The following GPAT4 variants were observed in gnomAD, a reference collection of about 807,000 sequenced individuals.
GPAT4 encodes the protein 1-AGP acyltransferase 6.
A neutral mutation model predicts 58.0 loss-of-function variants in GPAT4; 17 were observed. The ratio of observed to expected loss-of-function variants is 0.29; its 90% CI spans 0.20 to 0.44. GPAT4 has a LOEUF of 0.44. Among genes scored for constraint, GPAT4 ranks in the 20% least tolerant of loss-of-function variants. The pLI is 1.00. For missense variants in GPAT4, 377 were observed against 574.5 expected, an observed-to-expected ratio of 0.66 and a Z score of 3.51; for synonymous variants, 204 against 210.1, an observed-to-expected ratio of 0.97 and a Z score of 0.25.
At chr8:41,600,758 C>T (rs952180304) in intron 2 of GPAT4, among the ~76,000 whole-genome samples, 13 of 152,198 alleles carry the variant, frequency 8.5e-5, no homozygotes, top group Non-Finnish European at 1.8e-4. Context: ...ATTCACTCCC[C>T]ATTCCTCCCT....
intron 1 of GPAT4, among the ~76,000 whole-genome samples, chr8:41,588,192 G>A (rs1252971875): frequency 1.3e-5 from 2 of 152,098 alleles, no homozygotes; most frequent in Non-Finnish European, 2.9e-5. Context: ...CATTGTGCTT[G>A]GTGTGCTCTA....
At chr8:41,618,433 C>CT (rs1803655510) in intron 10 of GPAT4, 1 of 542,764 alleles carries the variant, frequency 1.8e-6, no homozygotes, top group South Asian at 2.2e-5. Flanking sequence ...AAGACATTTG[C>CT]TTGAGGCAGG....
intron 10 of GPAT4, among the ~76,000 whole-genome samples, chr8:41,617,075 G>A (rs575340107): frequency 1.3e-5 from 2 of 152,218 alleles, no homozygotes; most frequent in South Asian, 2.1e-4. Flanking sequence ...AAAATACAAC[G>A]ACATGACCAG....
chr8:41,601,074 G>A (rs1803080112), intron 2 of GPAT4, among the ~76,000 whole-genome samples: 1 of 152,050 alleles, frequency 6.6e-6, no homozygotes, highest in South Asian at 2.1e-4. Context: ...TGCTGCTGTG[G>A]ACCTGCGTGT....
Position 41,615,057 on chromosome 8 carries a change from C to T in GPAT4, c.1053+9C>T. The T allele has an allele frequency of 6.2e-7, 1 of 1,605,586 alleles. No homozygotes were observed. Among genetic ancestry groups the T allele is most frequent in the African/African-American group, 1.3e-5 (1 of 74,814 alleles). On this transcript the variant is annotated intron_variant, in intron 10 of 12. Transcript: ENST00000396987. The stretch of plus-strand genomic sequence containing the variant: ...ACCCTGTTGCTATCAAGGTATAAGA[C>T]CTCCGATGGTACACACTGTCATTAC...
chr8:41,594,546 C>CTTTTT (rs35439986), intron 1 of GPAT4, among the ~76,000 whole-genome samples: 3 of 133,558 alleles, frequency 2.2e-5, no homozygotes, highest in Admixed American at 7.8e-5. Context: ...TTATTACAAA[C>CTTTTT]TTTTTTTTTT....
chr8:41,597,493 A>G (rs1440041475), intron 1 of GPAT4, among the ~76,000 whole-genome samples: 1 of 152,204 alleles, frequency 6.6e-6, no homozygotes, highest in Admixed American at 6.5e-5. Context: ...CTATGTGGAA[A>G]ATATGGCAAG....
chr8:41,595,221 C>A (rs1802897219), intron 1 of GPAT4, among the ~76,000 whole-genome samples: 1 of 145,160 alleles, frequency 6.9e-6, no homozygotes, highest in Middle Eastern at 3.5e-3. Context: ...GAAGGGAGTT[C>A]CTCCTAGGTC....
In GPAT4 at chr8:41,622,969, A is replaced by G. The variant is rs969665173; in HGVS notation, c.*1968A>G. 4.6e-5 allele frequency: 7 copies of G among 152,242 alleles called. No homozygotes were observed. Among genetic ancestry groups the G allele is most frequent in the African/African-American group, 1.7e-4 (7 of 41,460 alleles). 9.4% of individuals were successfully genotyped at this position (152,242 alleles called of 1,614,324 possible). On this transcript the variant is annotated 3_prime_UTR_variant, in exon 13 of 13. Transcript: ENST00000396987. ...TTAAAAGATCAGGTTCTCTTTTAAAAAGTTCATCTGAAACTTTATGGTTTG... is the reference window on the plus strand; with the variant it reads ...TTAAAAGATCAGGTTCTCTTTTAAAGAGTTCATCTGAAACTTTATGGTTTG...
intron 8 of GPAT4, among the ~76,000 whole-genome samples, chr8:41,613,507 C>T (rs1803504359): frequency 6.6e-6 from 1 of 152,024 alleles, no homozygotes; most frequent in Non-Finnish European, 1.5e-5. Context: ...TATTTGAAAC[C>T]TCAAAATGAA....
intron 8 of GPAT4, among the ~76,000 whole-genome samples, chr8:41,613,351 A>G (rs930810032): frequency 2.0e-5 from 3 of 152,172 alleles, no homozygotes; most frequent in African/African-American, 7.2e-5. Flanking sequence ...GCGCCATTGC[A>G]TTCCAGCCTG....
At chr8:41,580,769 G>C (rs1215092596) in intron 1 of GPAT4, among the ~76,000 whole-genome samples, 1 of 152,188 alleles carries the variant, frequency 6.6e-6, no homozygotes, top group Non-Finnish European at 1.5e-5. Flanking sequence ...AACAGCATTT[G>C]AGTGTCATGG....
intron 1 of GPAT4, among the ~76,000 whole-genome samples, chr8:41,592,778 G>A (rs956104816): frequency 1.3e-5 from 2 of 152,082 alleles, no homozygotes; most frequent in African/African-American, 4.8e-5. Context: ...ACTTCTTCTT[G>A]AACTAAGATA....
intron 1 of GPAT4, among the ~76,000 whole-genome samples, chr8:41,596,631 G>A (rs1425118831): frequency 2.6e-5 from 4 of 152,190 alleles, no homozygotes; most frequent in Admixed American, 6.5e-5. Context: ...ACCCAGGAGC[G>A]CTCTTTGGAT....
At chr8:41,595,829 T>C (rs1328191979) in intron 1 of GPAT4, among the ~76,000 whole-genome samples, 2 of 152,028 alleles carry the variant, frequency 1.3e-5, no homozygotes, top group African/African-American at 4.8e-5. Flanking sequence ...CCTCTTTTCC[T>C]CTCTGTCTCT....
chr8:41,586,452 A>C (rs141202605), intron 1 of GPAT4, among the ~76,000 whole-genome samples: 1 of 152,298 alleles, frequency 6.6e-6, no homozygotes, highest in Non-Finnish European at 1.5e-5. Flanking sequence ...TGCGAGGTAC[A>C]TGGTAACTTT....
intron 1 of GPAT4, among the ~76,000 whole-genome samples, chr8:41,591,608 G>A (rs756524165): frequency 1.3e-5 from 2 of 152,218 alleles, no homozygotes; most frequent in African/African-American, 4.8e-5. Context: ...AGAAGTACAG[G>A]TAGCAAACAA....
rs952687435 is a variant in GPAT4 at position 41,624,478 on chromosome 8, T to C, written c.*3477T>C. The C allele has an allele frequency of 2.0e-5, 3 of 152,212 alleles. No individual in the cohort carries two copies. The highest frequency in any genetic ancestry group is 7.2e-5 in the African/African-American group (3 of 41,458). 9.4% of individuals were successfully genotyped at this position (152,212 alleles called of 1,614,324 possible). A position where few individuals can be genotyped will look rare whatever the true frequency, so the allele number is the denominator to read the frequency against. On this transcript the variant is annotated 3_prime_UTR_variant, in exon 13 of 13. Transcript: ENST00000396987. The stretch of plus-strand genomic sequence containing the variant: ...GCTATTGCTTGCTAGTGTCCCCTGA[T>C]GCATGAAGGATCCCCCCATGTCATA...
intron 1 of GPAT4, among the ~76,000 whole-genome samples, chr8:41,593,452 C>G (rs1358121702): frequency 6.6e-6 from 1 of 152,188 alleles, no homozygotes; most frequent in African/African-American, 2.4e-5. Context: ...GTTGAAGTCC[C>G]TACTGTACAA....
Sources: allele counts gnomAD v4.1 joint callset (sites outside exome capture counted in the v4.1 genomes callset), GRCh38; gene constraint gnomAD v4.1.1; transcripts MANE v1.5; gene names NCBI Gene and HGNC (gene_info 2026-07-23, HGNC 2026-07-21).